The following STXBP5L variants were observed in gnomAD, a reference collection of about 807,000 sequenced individuals.
STXBP5L encodes syntaxin-binding protein 5-like.
In STXBP5L, 65 loss-of-function variants were observed where a neutral mutation model predicts 144.5. The ratio of observed to expected loss-of-function variants is 0.45; its 90% CI spans 0.37 to 0.55. The LOEUF is 0.55. Ranked by LOEUF, STXBP5L falls within the 20% of genes least tolerant of loss-of-function variation. STXBP5L has a pLI of 0.00. For synonymous variants in STXBP5L, 505 were observed against 469.6 expected, an observed-to-expected ratio of 1.08 and a Z score of -0.97; for missense variants, 1,298 against 1,405.5, an observed-to-expected ratio of 0.92 and a Z score of 1.22.
intron 10 of STXBP5L, among the ~76,000 whole-genome samples, chr3:121,211,823 G>A (rs577011699): frequency 3.9e-5 from 6 of 151,964 alleles, no homozygotes; most frequent in African/African-American, 9.6e-5. Context: ...CTCGTGATCC[G>A]ACCGCCTCAG....
chr3:121,130,252 C>T (rs1185629557), intron 7 of STXBP5L, among the ~76,000 whole-genome samples: 1 of 151,992 alleles, frequency 6.6e-6, no homozygotes. Flanking sequence ...AGTTACTATC[C>T]ATTTTCAAAG....
At chr3:121,073,586 T>C (rs1373679994) in intron 5 of STXBP5L, among the ~76,000 whole-genome samples, 1 of 152,166 alleles carries the variant, frequency 6.6e-6, no homozygotes, top group Non-Finnish European at 1.5e-5. Context: ...TTTTCTTTCA[T>C]GGACATACAG....
At chr3:120,975,792 T>G (rs1450696862) in intron 3 of STXBP5L, among the ~76,000 whole-genome samples, 1 of 152,172 alleles carries the variant, frequency 6.6e-6, no homozygotes, top group Non-Finnish European at 1.5e-5. Flanking sequence ...TCTGCATCTA[T>G]TGAGATAATC....
intron 9 of STXBP5L, among the ~76,000 whole-genome samples, chr3:121,174,674 G>A (rs768592079): frequency 6.6e-6 from 1 of 152,124 alleles, no homozygotes; most frequent in African/African-American, 2.4e-5. Flanking sequence ...TAATATGAAG[G>A]TATAAAGCCC....
intron 9 of STXBP5L, among the ~76,000 whole-genome samples, chr3:121,170,436 G>T (rs530425163): frequency 1.3e-5 from 2 of 151,890 alleles, no homozygotes; most frequent in Non-Finnish European, 2.9e-5. Flanking sequence ...CAACAAAATA[G>T]ACCGCTAGTC....
intron 3 of STXBP5L, among the ~76,000 whole-genome samples, chr3:121,033,556 A>T (rs1268484193): frequency 3.3e-5 from 4 of 121,616 alleles, no homozygotes; most frequent in Non-Finnish European, 7.1e-5. Context: ...ATGTACCCTA[A>T]AACTTAAAGT....
At chr3:121,368,126 TA>T (rs2045922446) in intron 20 of STXBP5L, among the ~76,000 whole-genome samples, 1 of 152,102 alleles carries the variant, frequency 6.6e-6, no homozygotes, top group Non-Finnish European at 1.5e-5. Flanking sequence ...ACTTTTTACT[TA>T]ATGGGGATGC....
At chr3:120,998,099 G>T (rs644628) in intron 3 of STXBP5L, among the ~76,000 whole-genome samples, 1 of 151,834 alleles carries the variant, frequency 6.6e-6, no homozygotes, top group East Asian at 1.9e-4. Context: ...AATTAGTGCC[G>T]TCTATGAAAA....
chr3:121,346,526 C>T (rs888961249), intron 20 of STXBP5L, among the ~76,000 whole-genome samples: 23 of 152,150 alleles, frequency 1.5e-4, no homozygotes, highest in Admixed American at 1.5e-3. Flanking sequence ...GGAATCGCCA[C>T]ACTGTCTTCC....
Position 121,422,323 on chromosome 3 carries a change from G to C in STXBP5L, c.*3226G>C, listed in dbSNP as rs1024669780. 6.6e-6 allele frequency: 1 copy of C among 152,124 alleles called. No homozygotes were observed. The highest frequency in any genetic ancestry group is 1.5e-5 in the Non-Finnish European group (1 of 68,016). The allele number at this position is 152,124 out of a possible 1,614,324, so 9.4% of individuals were successfully genotyped here. A position where few individuals can be genotyped will look rare whatever the true frequency, so the allele number is the denominator to read the frequency against. On this transcript the variant is annotated 3_prime_UTR_variant, in exon 27 of 27. Transcript: ENST00000471454. ...AAAATTACATTCTATCTGCTAAAGC[G>C]ACATCAGAAGATAAGGCTTGCAAAC...
In STXBP5L at chr3:121,181,045, GC is replaced by G. The variant is rs575516115; in HGVS notation, c.877+23420del. On this transcript the variant is annotated intron_variant, in intron 9 of 26. Transcript: ENST00000471454. ...TCAGTACTAACATTGAATGTAAATG[GC>G]CTGAGATTGTGCCATTGCACTCCAG... Among the ~76,000 whole-genome samples the G allele has an allele frequency of 3.7e-3, 557 of 149,318 alleles. 2 individuals are homozygous for G. Among genetic ancestry groups the G allele is most frequent in the Non-Finnish European group, 6.6e-3 (445 of 67,284 alleles).
chr3:121,029,826 A>G (rs1269462827), intron 3 of STXBP5L, among the ~76,000 whole-genome samples: 1 of 152,010 alleles, frequency 6.6e-6, no homozygotes, highest in Non-Finnish European at 1.5e-5. Context: ...AACTTAAACA[A>G]ATTTACAAGA....
intron 5 of STXBP5L, among the ~76,000 whole-genome samples, chr3:121,103,257 C>T (rs544378513): frequency 1.8e-4 from 27 of 152,290 alleles, no homozygotes; most frequent in African/African-American, 6.5e-4. Flanking sequence ...CATTGCAGCA[C>T]TATTCACAAT....
intron 10 of STXBP5L, among the ~76,000 whole-genome samples, chr3:121,219,299 C>G (rs887662214): frequency 6.6e-6 from 1 of 152,126 alleles, no homozygotes; most frequent in Non-Finnish European, 1.5e-5. Context: ...CCTGCTCCAA[C>G]TATTACACGG....
At chr3:121,310,801 T>G (rs1456481624) in intron 19 of STXBP5L, among the ~76,000 whole-genome samples, 1 of 151,538 alleles carries the variant, frequency 6.6e-6, no homozygotes, top group Non-Finnish European at 1.5e-5. Context: ...CCCAGCTACT[T>G]GGGAGGCTGA....
intron 20 of STXBP5L, among the ~76,000 whole-genome samples, chr3:121,354,768 T>C (rs2045439798): frequency 6.6e-6 from 1 of 152,190 alleles, no homozygotes; most frequent in South Asian, 2.1e-4. Flanking sequence ...CGTTAACTGA[T>C]GCAGTTTCTT....
chr3:121,212,606 C>A (rs552396085), intron 10 of STXBP5L, among the ~76,000 whole-genome samples: 1 of 147,766 alleles, frequency 6.8e-6, no homozygotes, highest in Non-Finnish European at 1.5e-5. Flanking sequence ...ATGCTGTTTT[C>A]GTTACTATAG....
Position 121,036,951 on chromosome 3 carries a change from A to T in STXBP5L, c.288-4749A>T, listed in dbSNP as rs548600920. ...TAAAAATATATATTTTTTAGAGATG[A>T]GGTCTTTCTCTGTCACCCAGGCTTG... On this transcript the variant is annotated intron_variant, in intron 3 of 26. Coordinates refer to ENST00000471454, the MANE Select transcript of STXBP5L (RefSeq NM_001308330.2). Among the ~76,000 whole-genome samples, 29 of 151,920 alleles carry T rather than the reference A, an allele frequency of 1.9e-4. No homozygotes were observed. The South Asian group carries it at 5.4e-3, about 28-fold the overall frequency.
At chr3:121,295,640 A>C (rs2051620625) in intron 19 of STXBP5L, among the ~76,000 whole-genome samples, 1 of 152,140 alleles carries the variant, frequency 6.6e-6, no homozygotes, top group Non-Finnish European at 1.5e-5. Flanking sequence ...TGAGTCAGAC[A>C]AATAAAACAG....
Sources: allele counts gnomAD v4.1 joint callset (sites outside exome capture counted in the v4.1 genomes callset), GRCh38; gene constraint gnomAD v4.1.1; transcripts MANE v1.5; gene names NCBI Gene and HGNC (gene_info 2026-07-23, HGNC 2026-07-21).